Variants in MAP4K5 observed in about 807,000 individuals in gnomAD.
MAP4K5 encodes the protein MAPK/ERK kinase kinase kinase 5.
MAP4K5 carries 82 observed loss-of-function variants against 135.6 expected under a neutral mutation model. The observed-to-expected ratio is 0.60, with a 90% CI of 0.51 to 0.73. The LOEUF (loss-of-function observed/expected upper bound fraction) is 0.73, where lower values mean the gene tolerates loss of function less well. Among genes scored for constraint, MAP4K5 ranks in the 30% least tolerant of loss-of-function variants. The pLI is 0.00. For synonymous variants in MAP4K5, 347 were observed against 335.0 expected, an observed-to-expected ratio of 1.04 and a Z score of -0.39; for missense variants, 907 against 1,010.9, an observed-to-expected ratio of 0.90 and a Z score of 1.39.
chr14:50,475,124 T>C lies in MAP4K5; in HGVS notation c.495A>G (p.Ile165Met). 1 of 1,613,914 alleles carries C rather than the reference T, an allele frequency of 6.2e-7. No homozygotes were observed. Among genetic ancestry groups the C allele is most frequent in the Non-Finnish European group, 8.5e-7 (1 of 1,179,826 alleles). Reference sequence around the variant, plus strand: ...ATTTTCGTTTTGCAATGGTAGCTGTTATTTTTGCAGCCACACCAAAGTCAG... The same window carrying C: ...ATTTTCGTTTTGCAATGGTAGCTGTCATTTTTGCAGCCACACCAAAGTCAG... ...KLADFGVAAK[I>M]TATIAKRKSF... is the part of the protein sequence containing the mutation. Residue 165 changes from isoleucine to methionine, a missense_variant, in exon 9 of 33, where the codon ATA becomes ATG. Around this residue, in one of 3 missense-constraint regions of MAP4K5, gnomAD observed 21 missense variants for 44.2 expected, o/e 0.47. Transcript: ENST00000682126.
intron 6 of MAP4K5, among the ~76,000 whole-genome samples, chr14:50,481,146 A>G (rs1215543705): frequency 1.3e-5 from 2 of 151,646 alleles, no homozygotes; most frequent in Non-Finnish European, 2.9e-5. Context: ...TAAAATACAA[A>G]GAAAATGAAT....
intron 2 of MAP4K5, among the ~76,000 whole-genome samples, chr14:50,506,474 T>C (rs1274580672): frequency 6.6e-6 from 1 of 152,142 alleles, no homozygotes; most frequent in Non-Finnish European, 1.5e-5. Context: ...TCCTCCCACC[T>C]CAGCCTCCCA....
chr14:50,488,178 TGAGA>T (rs555471338), intron 3 of MAP4K5, among the ~76,000 whole-genome samples: 1 of 151,892 alleles, frequency 6.6e-6, no homozygotes, highest in African/African-American at 2.4e-5. Context: ...CTGTGGCAGG[TGAGA>T]GAGTGTGTGT....
At chr14:50,468,504 T>C in intron 10 of MAP4K5, 147 bp downstream of exon 10, 4 of 727,908 alleles carry the variant, frequency 5.5e-6, no homozygotes, top group African/African-American at 1.8e-5. Flanking sequence ...TAGCCCACAA[T>C]AGGTTTTGGA....
chr14:50,477,106 T>C (rs2037118913), intron 6 of MAP4K5, among the ~76,000 whole-genome samples: 2 of 152,266 alleles, frequency 1.3e-5, no homozygotes, highest in African/African-American at 2.4e-5. Context: ...TTGAGTCTTC[T>C]GGTTTGTGAA....
At chr14:50,538,939 C>T (rs923606910) in intron 2 of MAP4K5, among the ~76,000 whole-genome samples, 2 of 152,202 alleles carry the variant, frequency 1.3e-5, no homozygotes, top group African/African-American at 2.4e-5. Context: ...CCTACCTCAG[C>T]CTCCCAAGTA....
intron 2 of MAP4K5, among the ~76,000 whole-genome samples, chr14:50,527,497 T>A (rs1043650272): frequency 6.6e-6 from 1 of 152,074 alleles, no homozygotes; most frequent in Non-Finnish European, 1.5e-5. Context: ...AAAAGACCTG[T>A]ATCATATTCC....
At chr14:50,468,899 GAA>G (rs2036893944) in intron 9 of MAP4K5, 117 bp from the exon 10 acceptor site, 1 of 823,304 alleles carries the variant, frequency 1.2e-6, no homozygotes, top group Non-Finnish European at 1.9e-6. Context: ...TGTTTACTAG[GAA>G]AGAAGAAACA....
intron 19 of MAP4K5, 25 bp from the exon 20 acceptor site, chr14:50,443,795 G>A: frequency 6.3e-7 from 1 of 1,589,310 alleles, no homozygotes; most frequent in Admixed American, 1.8e-5. Context: ...AAATTTACTA[G>A]TGTAAGACCT....
At position 50,440,038 on chromosome 14, in the gene MAP4K5, G is replaced by C. The variant is rs766463223; in HGVS notation, c.1680C>G (p.Ile560Met). Reference protein sequence around the residue: ...FPRKCTWLYVINNTLMSLSEG... With the variant: ...FPRKCTWLYVMNNTLMSLSEG... ...CTGATAATGACATTAAAGTATTATTGATAACATACAGCCAAGTACACTTCC... is the reference window on the plus strand; with the variant it reads ...CTGATAATGACATTAAAGTATTATTCATAACATACAGCCAAGTACACTTCC... Residue 560 changes from isoleucine (I) to methionine (M), a missense_variant, in exon 23 of 33, where the codon ATC becomes ATG. Around this residue, in one of 3 missense-constraint regions of MAP4K5, gnomAD observed 690 missense variants for 777.4 expected, o/e 0.89. Transcript: ENST00000682126. 6.4e-7 allele frequency: 1 copy of C among 1,550,732 alleles called. No homozygotes were observed. The highest frequency in any genetic ancestry group is 2.3e-5 in the East Asian group (1 of 43,430).
intron 1 of MAP4K5, among the ~76,000 whole-genome samples, chr14:50,556,543 A>C (rs1020779703): frequency 6.6e-6 from 1 of 152,180 alleles, no homozygotes; most frequent in Non-Finnish European, 1.5e-5. Flanking sequence ...AGTATACCCA[A>C]GAGTTGTGCA....
intron 3 of MAP4K5, among the ~76,000 whole-genome samples, chr14:50,501,954 C>T (rs1308035035): frequency 6.6e-6 from 1 of 152,056 alleles, no homozygotes; most frequent in Non-Finnish European, 1.5e-5. Context: ...ATTAGGTATT[C>T]AATAAATATT....
At chr14:50,421,009 A>T (rs1408551703) in intron 32 of MAP4K5, among the ~76,000 whole-genome samples, 2 of 152,148 alleles carry the variant, frequency 1.3e-5, no homozygotes, top group Admixed American at 1.3e-4. Context: ...GGAGAAAAAA[A>T]ACTGCACATA....
At chr14:50,461,417 TA>T (rs2036708712) in intron 13 of MAP4K5, among the ~76,000 whole-genome samples, 1 of 150,482 alleles carries the variant, frequency 6.6e-6, no homozygotes, top group Non-Finnish European at 1.5e-5. Flanking sequence ...AAAAGGGAAA[TA>T]AAATAAATAA....
chr14:50,465,125 GTCA>G (rs2036802666), intron 11 of MAP4K5, among the ~76,000 whole-genome samples: 1 of 152,282 alleles, frequency 6.6e-6, no homozygotes, highest in East Asian at 1.9e-4. Flanking sequence ...ATTCTTTCCT[GTCA>G]TCATCCCCAG....
chr14:50,560,497 C>T lies in MAP4K5; in HGVS notation c.-180+543G>A, dbSNP rs1475448954. 3 of 686,582 alleles carry T rather than the reference C, an allele frequency of 4.4e-6. No individual in the cohort carries two copies. In the Admixed American group the frequency reaches 7.4e-5, roughly 17 times the overall value. 42.5% of individuals were successfully genotyped at this position (686,582 alleles called of 1,614,324 possible). ...TACCCGCGTCACCGAATCGCGCTGTCGGGGTGAGGGCTGCAGCTTCGCGCA... is the reference window on the plus strand; with the variant it reads ...TACCCGCGTCACCGAATCGCGCTGTTGGGGTGAGGGCTGCAGCTTCGCGCA... On this transcript the variant is annotated intron_variant, in intron 1 of 8. Transcript: ENST00000555216.
At chr14:50,512,332 A>G (rs2037947738) in intron 2 of MAP4K5, among the ~76,000 whole-genome samples, 1 of 152,138 alleles carries the variant, frequency 6.6e-6, no homozygotes, top group South Asian at 2.1e-4. Context: ...ATAGAGCCAA[A>G]AAGAAAAGGA....
intron 2 of MAP4K5, among the ~76,000 whole-genome samples, chr14:50,505,360 T>C (rs894204798): frequency 1.6e-4 from 24 of 152,126 alleles, no homozygotes; most frequent in Non-Finnish European, 3.1e-4. Context: ...TTACAAATGC[T>C]GCCTGATTTT....
intron 20 of MAP4K5, among the ~76,000 whole-genome samples, 175 bp downstream of exon 20, chr14:50,443,554 A>G (rs1167197713): frequency 6.6e-6 from 1 of 152,238 alleles, no homozygotes; most frequent in Non-Finnish European, 1.5e-5. Context: ...AAACACTGTC[A>G]ATTCCAATTC....
Sources: allele counts gnomAD v4.1 joint callset (sites outside exome capture counted in the v4.1 genomes callset), GRCh38; gene constraint gnomAD v4.1.1; regional missense constraint gnomAD v4.1.1; transcripts MANE v1.5; gene names NCBI Gene and HGNC (gene_info 2026-07-23, HGNC 2026-07-21).